RGS17: variants seen among roughly 807,000 people sequenced by gnomAD.
RGS17 encodes the protein regulator of G-protein signaling 17.
A neutral mutation model predicts 25.5 loss-of-function variants in RGS17; 12 were observed. The observed-to-expected ratio is 0.47, with a 90% CI of 0.30 to 0.76. The LOEUF is 0.76. Ranked by LOEUF, RGS17 falls within the 30% of genes least tolerant of loss-of-function variation. The pLI is 0.07. For missense variants in RGS17, 196 were observed against 242.2 expected, an observed-to-expected ratio of 0.81 and a Z score of 1.27; for synonymous variants, 71 against 76.9, an observed-to-expected ratio of 0.92 and a Z score of 0.40.
chr6:153,109,751 C>T lies in RGS17; in HGVS notation c.-26+21373G>A, dbSNP rs201924097. ...GATGAGGAAAAAAAGGACCCATGGA[C>T]TTGGAGAGTGTCAGGGTGCCATTTA... On this transcript the variant is annotated intron_variant, in intron 1 of 4. Transcript: ENST00000206262. 2.6e-5 allele frequency among the ~76,000 whole-genome samples: 4 copies of T among 152,328 alleles called. No homozygotes were observed. In the East Asian group the frequency reaches 7.7e-4, roughly 29 times the overall value.
chr6:153,076,100 A>T (rs1440720705), intron 1 of RGS17, among the ~76,000 whole-genome samples: 1 of 152,270 alleles, frequency 6.6e-6, no homozygotes, highest in East Asian at 1.9e-4. Flanking sequence ...ACCTTAATAT[A>T]TGCTAAATTG....
At chr6:153,064,535 C>T (rs964475110) in intron 1 of RGS17, among the ~76,000 whole-genome samples, 1 of 151,406 alleles carries the variant, frequency 6.6e-6, no homozygotes, top group Non-Finnish European at 1.5e-5. Flanking sequence ...CAGGCTGAGG[C>T]AGGAGAATAG....
intron 4 of RGS17, among the ~76,000 whole-genome samples, chr6:153,014,614 C>T (rs531532700): frequency 9.3e-4 from 142 of 152,092 alleles, no homozygotes; most frequent in African/African-American, 3.2e-3. Context: ...CTGGCTAACA[C>T]GGTGAAAACC....
rs1777193207 is a variant in RGS17, at chr6:153,095,322, AT to A, written c.-26+35801del. Among the ~76,000 whole-genome samples, 2 of 152,112 alleles carry A rather than the reference AT, an allele frequency of 1.3e-5. 1 individual carries two copies. Among genetic ancestry groups the A allele is most frequent in the African/African-American group, 4.8e-5 (2 of 41,442 alleles). On this transcript the variant is annotated intron_variant, in intron 1 of 4. Transcript: ENST00000206262. ...ATATCTTGGTCACCATGTAATAGAT[AT>A]TTTTTTAAAACTGAAGTGGCAAAAA...
intron 1 of RGS17, among the ~76,000 whole-genome samples, chr6:153,076,327 T>C: frequency 6.6e-6 from 1 of 152,090 alleles, no homozygotes; most frequent in Admixed American, 6.6e-5. Context: ...GAACCAATAT[T>C]ATCAACATAA....
chr6:153,121,791 A>G (rs1248509492), intron 1 of RGS17, among the ~76,000 whole-genome samples: 1 of 152,214 alleles, frequency 6.6e-6, no homozygotes, highest in Non-Finnish European at 1.5e-5. Context: ...ATTGAATTTC[A>G]GTATCACCTA....
rs1779072896 is a variant in RGS17 at position 153,006,238 on chromosome 6, A to G, written c.*5336T>C. On this transcript the variant is annotated 3_prime_UTR_variant, in exon 5 of 5. Transcript: ENST00000206262. ...CTTAATATTAAAAAGAGTGTTTTCT[A>G]ATTGTCAATCTCTTATAACTTAGTC... is the stretch of plus-strand genomic sequence containing the variant. 1 of 152,184 alleles carries G rather than the reference A, an allele frequency of 6.6e-6. No individual in the cohort carries two copies. Among genetic ancestry groups the G allele is most frequent in the South Asian group, 2.1e-4 (1 of 4,830 alleles). 9.4% of individuals were successfully genotyped at this position (152,184 alleles called of 1,614,324 possible). A position where few individuals can be genotyped will look rare whatever the true frequency, so the allele number is the denominator to read the frequency against.
At chr6:153,063,292 T>C (rs975038634) in intron 1 of RGS17, among the ~76,000 whole-genome samples, 1 of 152,122 alleles carries the variant, frequency 6.6e-6, no homozygotes, top group Non-Finnish European at 1.5e-5. Flanking sequence ...GGACAGAGAA[T>C]TCAAAATATC....
At chr6:153,071,500 C>T (rs1036233908) in intron 1 of RGS17, among the ~76,000 whole-genome samples, 1 of 151,900 alleles carries the variant, frequency 6.6e-6, no homozygotes, top group Non-Finnish European at 1.5e-5. Flanking sequence ...TTCCAATCAG[C>T]CATGGAGCAC....
At chr6:153,023,009 G>C (rs540027686) in intron 4 of RGS17, among the ~76,000 whole-genome samples, 162 of 152,248 alleles carry the variant, frequency 1.1e-3, no homozygotes, top group African/African-American at 3.3e-3. Flanking sequence ...TCTAATTCTA[G>C]AAGGTTTCTC....
intron 1 of RGS17, among the ~76,000 whole-genome samples, chr6:153,066,644 A>G (rs1776711655): frequency 1.3e-5 from 2 of 152,220 alleles, no homozygotes; most frequent in Non-Finnish European, 2.9e-5. Flanking sequence ...AAGATCATTC[A>G]TCATGACCCA....
intron 1 of RGS17, among the ~76,000 whole-genome samples, chr6:153,071,442 TCAATGGTG>T (rs988445403): frequency 3.9e-5 from 6 of 152,054 alleles, no homozygotes; most frequent in Non-Finnish European, 7.4e-5. Context: ...AGTGACTCTA[TCAATGGTG>T]TAGGACCAAG....
intron 3 of RGS17, among the ~76,000 whole-genome samples, chr6:153,025,617 A>G (rs1278256822): frequency 6.8e-6 from 1 of 147,972 alleles, no homozygotes; most frequent in East Asian, 2.0e-4. Flanking sequence ...CATTTGGCCA[A>G]AGAAGTATGT....
In RGS17 at chr6:153,032,948, T is replaced by G. The variant is rs148752224; in HGVS notation, c.120-6405A>C. ...TAGAACAAATAAATTAGAAAAGGGT[T>G]TTAACTACCAATAGGTAGGAAATAT... On this transcript the variant is annotated intron_variant, in intron 2 of 4. Coordinates refer to ENST00000206262, the MANE Select transcript of RGS17 (RefSeq NM_012419.5). Among the ~76,000 whole-genome samples, 851 of 152,340 alleles carry G rather than the reference T, an allele frequency of 5.6e-3. 6 individuals are homozygous for G. The highest frequency in any genetic ancestry group is 0.02 in the African/African-American group (815 of 41,574).
chr6:153,112,417 G>A (rs1777484925), intron 1 of RGS17, among the ~76,000 whole-genome samples: 3 of 152,268 alleles, frequency 2.0e-5, no homozygotes, highest in Admixed American at 6.5e-5. Context: ...CGAAATATGG[G>A]ACTATGGAAA....
At chr6:153,051,528 C>G (rs766996256) in intron 1 of RGS17, among the ~76,000 whole-genome samples, 20 of 152,296 alleles carry the variant, frequency 1.3e-4, no homozygotes, top group Middle Eastern at 3.4e-3. Flanking sequence ...GGAGAACAGG[C>G]AATCCTTGTT....
At chr6:153,055,735 A>G (rs1776545339) in intron 1 of RGS17, among the ~76,000 whole-genome samples, 1 of 152,218 alleles carries the variant, frequency 6.6e-6, no homozygotes, top group African/African-American at 2.4e-5. Context: ...ATTTATTAAT[A>G]AGGAACACAC....
At chr6:153,092,488 G>C (rs1223916002) in intron 1 of RGS17, among the ~76,000 whole-genome samples, 1 of 152,152 alleles carries the variant, frequency 6.6e-6, no homozygotes, top group Non-Finnish European at 1.5e-5. Context: ...AGTTAATGTG[G>C]TTGTTTTGTC....
At chr6:153,100,689 A>G (rs555344941) in intron 1 of RGS17, among the ~76,000 whole-genome samples, 20 of 152,310 alleles carry the variant, frequency 1.3e-4, no homozygotes, top group Non-Finnish European at 2.4e-4. Flanking sequence ...TGTTCTCTCC[A>G]TTTTAGAAGT....
Sources: gnomAD v4.1 joint callset for allele counts (sites outside exome capture counted in the v4.1 genomes callset) on GRCh38, gnomAD v4.1.1 for gene constraint, MANE v1.5 for transcripts, NCBI Gene and HGNC (gene_info 2026-07-23, HGNC 2026-07-21) for gene names.